The following SPTLC2 variants were observed in gnomAD, a reference collection of about 807,000 sequenced individuals.
SPTLC2 encodes serine palmitoyltransferase 2.
In SPTLC2, 21 loss-of-function variants were observed where a neutral mutation model predicts 62.0. The observed-to-expected ratio is 0.34, with a 90% CI of 0.24 to 0.49. The LOEUF (loss-of-function observed/expected upper bound fraction) is 0.49, where lower values mean the gene tolerates loss of function less well. Ranked by LOEUF, SPTLC2 falls within the 20% of genes least tolerant of loss-of-function variation. The probability of loss-of-function intolerance (pLI) is 0.99; values close to 1 mark genes in which losing one functional copy is unlikely to be tolerated. For missense variants in SPTLC2, 511 were observed against 713.0 expected (o/e 0.72, Z 3.23); for synonymous variants, 261 against 261.8 (o/e 1.00, Z 0.03).
Position 77,555,414 on chromosome 14 carries a change from G to A in SPTLC2, c.1062C>T (p.Pro354=), listed in dbSNP as rs764116609. The change falls in exon 8 of 12, where the codon CCC becomes CCT. Residue 354 remains proline (P), a synonymous_variant. Coordinates refer to ENST00000216484, the MANE Select transcript of SPTLC2 (RefSeq NM_004863.4). The part of the protein sequence containing the change: ...DEAHSIGALG[P]TGRGVVEYFG... ...AGTACTCCACCACACCCCGGCCTGT[G>A]GGGCCCAGGGCGCCAATGCTGTGAG... 6.2e-7 allele frequency: 1 copy of A among 1,614,022 alleles called. No individual in the cohort carries two copies. The highest frequency in any genetic ancestry group is 8.5e-7 in the Non-Finnish European group (1 of 1,180,032).
intron 3 of SPTLC2, among the ~76,000 whole-genome samples, chr14:77,577,697 A>G: frequency 6.6e-6 from 1 of 152,150 alleles, no homozygotes; most frequent in East Asian, 1.9e-4. Flanking sequence ...CAGGAGATTG[A>G]GACCATCCTG....
intron 9 of SPTLC2, among the ~76,000 whole-genome samples, chr14:77,527,353 C>G (rs1412083850): frequency 6.6e-6 from 1 of 151,990 alleles, no homozygotes; most frequent in Non-Finnish European, 1.5e-5. Flanking sequence ...TCGCACCAGG[C>G]CTAGATTTAG....
chr14:77,587,643 T>A (rs188603496), intron 2 of SPTLC2, among the ~76,000 whole-genome samples: 38 of 151,998 alleles, frequency 2.5e-4, no homozygotes, highest in African/African-American at 8.2e-4. Context: ...GGCAGGCACC[T>A]GTAATCCCAG....
At chr14:77,616,025 G>C (rs907936383) in intron 1 of SPTLC2, among the ~76,000 whole-genome samples, 1 of 152,188 alleles carries the variant, frequency 6.6e-6, no homozygotes, top group African/African-American at 2.4e-5. Context: ...GACCCCATGG[G>C]TGGTTTTCTT....
chr14:77,612,436 A>G (rs1268386921), intron 1 of SPTLC2, among the ~76,000 whole-genome samples: 3 of 152,254 alleles, frequency 2.0e-5, no homozygotes, highest in Non-Finnish European at 4.4e-5. Context: ...GGAATTCTTC[A>G]GATGCAGCTA....
At chr14:77,585,088 G>T in intron 2 of SPTLC2, among the ~76,000 whole-genome samples, 1 of 152,164 alleles carries the variant, frequency 6.6e-6, no homozygotes, top group Non-Finnish European at 1.5e-5. Flanking sequence ...TCCTAGTTTG[G>T]GGTAGCTGCC....
chr14:77,542,758 T>C lies in SPTLC2; in HGVS notation c.1303+9338A>G, dbSNP rs185379110. Among the ~76,000 whole-genome samples the C allele has an allele frequency of 3.9e-5, 6 of 152,262 alleles. 1 individual carries two copies. Among genetic ancestry groups the C allele is most frequent in the Admixed American group, 1.3e-4 (2 of 15,284 alleles). ...CTAACACCAAGTACTGCACAGTAAA[T>C]TCCTCTTAAAAGCACAGTTTATCAC... On this transcript the variant is annotated intron_variant, in intron 9 of 11. Coordinates refer to ENST00000216484, the MANE Select transcript of SPTLC2 (RefSeq NM_004863.4).
At chr14:77,567,833 CTT>C (rs34867638) in intron 5 of SPTLC2, among the ~76,000 whole-genome samples, 1 of 145,912 alleles carries the variant, frequency 6.9e-6, no homozygotes, top group Non-Finnish European at 1.5e-5. Flanking sequence ...ACAAGCTTTA[CTT>C]TTTTTTTTTA....
intron 1 of SPTLC2, among the ~76,000 whole-genome samples, chr14:77,604,477 A>G (rs1459716479): frequency 6.6e-6 from 1 of 152,216 alleles, no homozygotes; most frequent in East Asian, 1.9e-4. Context: ...TAATGATTCT[A>G]TATTAAAATC....
At chr14:77,568,532 G>T (rs543467999) in intron 5 of SPTLC2, among the ~76,000 whole-genome samples, 1 of 151,754 alleles carries the variant, frequency 6.6e-6, no homozygotes, top group Middle Eastern at 3.2e-3. Context: ...GTTAGGGCAG[G>T]GCACAGTGGC....
intron 1 of SPTLC2, among the ~76,000 whole-genome samples, chr14:77,597,793 C>A (rs7157122): frequency 7.0e-6 from 1 of 143,236 alleles, no homozygotes; most frequent in Non-Finnish European, 1.5e-5. Flanking sequence ...AAGGAATTTT[C>A]TAAGTTCCAA....
At chr14:77,571,953 A>C (rs1690902635) in intron 4 of SPTLC2, among the ~76,000 whole-genome samples, 1 of 117,270 alleles carries the variant, frequency 8.5e-6, no homozygotes, top group South Asian at 3.3e-4. Flanking sequence ...ACCACGCCTG[A>C]CTATTTTGTA....
chr14:77,560,362 G>A (rs1389601786), intron 6 of SPTLC2, among the ~76,000 whole-genome samples: 1 of 152,118 alleles, frequency 6.6e-6, no homozygotes, highest in Non-Finnish European at 1.5e-5. Context: ...AAGGTGGGTG[G>A]ATTGCTTGAG....
In SPTLC2 at chr14:77,546,642, A is replaced by C. The variant is rs2079529585; in HGVS notation, c.1303+5454T>G. ...GACTGTTTTTTCAAAGGCAAAGATC[A>C]CCTATTGTTCAACTCTGCATCTCCC... On this transcript the variant is annotated intron_variant, in intron 9 of 11. Transcript: ENST00000216484. 2.6e-5 allele frequency among the ~76,000 whole-genome samples: 4 copies of C among 152,236 alleles called. No homozygotes were observed. In the East Asian group the frequency reaches 7.7e-4, roughly 29 times the overall value.
At chr14:77,555,232 G>A in intron 8 of SPTLC2, 68 bp downstream of exon 8, 1 of 1,595,476 alleles carries the variant, frequency 6.3e-7, no homozygotes, top group Non-Finnish European at 8.6e-7. Flanking sequence ...CCATCTGCTA[G>A]GCCTGAGGTA....
At chr14:77,586,289 T>C (rs1219939836) in intron 2 of SPTLC2, among the ~76,000 whole-genome samples, 2 of 152,112 alleles carry the variant, frequency 1.3e-5, no homozygotes, top group African/African-American at 4.8e-5. Context: ...TTGACCAGGC[T>C]GGTGTCAAAC....
At chr14:77,603,533 A>G (rs1595017022) in intron 1 of SPTLC2, among the ~76,000 whole-genome samples, 1 of 152,262 alleles carries the variant, frequency 6.6e-6, no homozygotes, top group Non-Finnish European at 1.5e-5. Flanking sequence ...GTGTATGTCC[A>G]GAAGTGTCTC....
intron 1 of SPTLC2, among the ~76,000 whole-genome samples, chr14:77,608,205 G>A (rs1036034648): frequency 3.9e-5 from 6 of 152,158 alleles, no homozygotes; most frequent in Non-Finnish European, 7.4e-5. Flanking sequence ...CCTCACGCTA[G>A]TAAGAACATT....
rs571771933 is a variant in SPTLC2, at chr14:77,597,819, G to GAA, written c.133-441_133-440dup. ...TAAGTTCCAACCTCACTGGAAACAA[G>GAA]AAAAAAAAAAAAAAGAATTTTAGGC... is the stretch of plus-strand genomic sequence containing the variant. On this transcript the variant is annotated intron_variant, in intron 1 of 11. Transcript: ENST00000216484. Among the ~76,000 whole-genome samples, 117 of 128,730 alleles carry GAA rather than the reference G, an allele frequency of 9.1e-4. 2 individuals carry two copies. Among genetic ancestry groups the GAA allele is most frequent in the East Asian group, 3.1e-3 (14 of 4,542 alleles). The allele number at this position is 128,730 out of a possible 152,430, so 84.5% of individuals were successfully genotyped here.
Sources: gnomAD v4.1 joint callset for allele counts (sites outside exome capture counted in the v4.1 genomes callset) on GRCh38, gnomAD v4.1.1 for gene constraint, MANE v1.5 for transcripts, NCBI Gene and HGNC (gene_info 2026-07-23, HGNC 2026-07-21) for gene names.